Variants in KIAA0319L observed in about 807,000 individuals in gnomAD.
KIAA0319L encodes the protein KIAA0319 like.
Under a neutral mutation model 120.1 loss-of-function variants are expected in KIAA0319L, and 55 were observed. That is an observed-to-expected ratio of 0.46 (90% CI 0.37 to 0.57). KIAA0319L has a LOEUF of 0.57. Ranked by LOEUF, KIAA0319L falls within the 20% of genes least tolerant of loss-of-function variation. The pLI is 0.00. For synonymous variants in KIAA0319L, 398 were observed against 471.9 expected (o/e 0.84, Z 2.03); for missense variants, 1,049 against 1,255.3 (o/e 0.84, Z 2.48).
intron 2 of KIAA0319L, among the ~76,000 whole-genome samples, chr1:35,541,352 T>TC (rs1646785235): frequency 1.4e-5 from 2 of 140,214 alleles, no homozygotes; most frequent in Admixed American, 6.9e-5. Flanking sequence ...TTTTTTCCTT[T>TC]TTTTTTTTTT....
chr1:35,472,728 C>T (rs915904547), intron 5 of KIAA0319L, among the ~76,000 whole-genome samples: 7 of 151,340 alleles, frequency 4.6e-5, no homozygotes, highest in African/African-American at 1.7e-4. Context: ...ATCCATCTCA[C>T]ATATCTAATA....
intron 2 of KIAA0319L, among the ~76,000 whole-genome samples, chr1:35,517,749 C>A (rs1645743739): frequency 6.6e-6 from 1 of 152,108 alleles, no homozygotes; most frequent in Non-Finnish European, 1.5e-5. Context: ...AGAGCTTCTG[C>A]ACAGCAAAAG....
At chr1:35,554,560 T>A in intron 1 of KIAA0319L, 41 bp from the exon 2 acceptor site, 1 of 1,259,228 alleles carries the variant, frequency 7.9e-7, no homozygotes, top group Non-Finnish European at 1.1e-6. Flanking sequence ...GCCGAGTAAT[T>A]AATAATTAAT....
At chr1:35,493,191 G>C (rs1172109363) in intron 3 of KIAA0319L, among the ~76,000 whole-genome samples, 3 of 152,080 alleles carry the variant, frequency 2.0e-5, no homozygotes, top group African/African-American at 7.2e-5. Context: ...AGTTTAGCAA[G>C]ATTACAAGAT....
At chr1:35,443,978 T>G in intron 17 of KIAA0319L, 183 bp downstream of exon 17, 1 of 482,264 alleles carries the variant, frequency 2.1e-6, no homozygotes, top group South Asian at 5.3e-5. Context: ...CAGGGGCCCA[T>G]GGGCCCCAAG....
rs191508847 is a variant in KIAA0319L at position 35,513,698 on chromosome 1, C to T, written c.143-6563G>A. 3.3e-5 allele frequency among the ~76,000 whole-genome samples: 5 copies of T among 152,286 alleles called. No homozygotes were observed. The East Asian group carries it at 9.6e-4, about 29-fold the overall frequency. On this transcript the variant is annotated intron_variant, in intron 2 of 20. Transcript: ENST00000325722. The stretch of plus-strand genomic sequence containing the variant: ...TCTGTAAGATATTAATATTTCACAT[C>T]TAACTTACAAACTTATTTCATCATT...
intron 4 of KIAA0319L, among the ~76,000 whole-genome samples, chr1:35,477,920 G>A (rs1643972556): frequency 6.6e-6 from 1 of 152,114 alleles, no homozygotes; most frequent in Admixed American, 6.6e-5. Flanking sequence ...CAAAAGAAAG[G>A]AAATCAGTGT....
At chr1:35,522,316 A>G (rs968057036) in intron 2 of KIAA0319L, among the ~76,000 whole-genome samples, 1 of 152,072 alleles carries the variant, frequency 6.6e-6, no homozygotes, top group Non-Finnish European at 1.5e-5. Context: ...GTCTCACTCT[A>G]TCACCCAGGC....
intron 2 of KIAA0319L, among the ~76,000 whole-genome samples, chr1:35,550,924 A>C (rs1199561546): frequency 1.3e-5 from 2 of 152,214 alleles, no homozygotes; most frequent in Non-Finnish European, 2.9e-5. Context: ...GGAGATGCAA[A>C]GATTTCACCA....
At chr1:35,482,449 G>C (rs1570765909) in intron 3 of KIAA0319L, among the ~76,000 whole-genome samples, 1 of 139,734 alleles carries the variant, frequency 7.2e-6, no homozygotes, top group Non-Finnish European at 1.5e-5. Flanking sequence ...TTTTTTTTGA[G>C]ATGGAGTTTC....
At chr1:35,451,383 G>T (rs1642050678) in intron 13 of KIAA0319L, among the ~76,000 whole-genome samples, 1 of 152,194 alleles carries the variant, frequency 6.6e-6, no homozygotes, top group African/African-American at 2.4e-5. Context: ...AGGGAGGACT[G>T]AAAAGAAAGT....
At chr1:35,525,872 C>G (rs1646106918) in intron 2 of KIAA0319L, among the ~76,000 whole-genome samples, 2 of 152,054 alleles carry the variant, frequency 1.3e-5, no homozygotes, top group Admixed American at 6.6e-5. Context: ...GGTTTTGCAG[C>G]CTGTGCTTTT....
At chr1:35,500,164 G>A (rs916318352) in intron 3 of KIAA0319L, among the ~76,000 whole-genome samples, 1 of 152,206 alleles carries the variant, frequency 6.6e-6, no homozygotes, top group African/African-American at 2.4e-5. Context: ...TACATGCAGG[G>A]ATACCTAAGT....
intron 9 of KIAA0319L, among the ~76,000 whole-genome samples, chr1:35,458,268 C>T (rs1300223760): frequency 3.3e-5 from 5 of 152,130 alleles, no homozygotes; most frequent in African/African-American, 1.2e-4. Flanking sequence ...CCATTTGTCT[C>T]CTATGTCAGG....
rs1376047195 is a variant in KIAA0319L, at chr1:35,496,415, G to A, written c.666+10197C>T. Among the ~76,000 whole-genome samples, 15 of 152,144 alleles carry A rather than the reference G, an allele frequency of 9.9e-5. 1 individual carries two copies. In the South Asian group the frequency reaches 1.0e-3, roughly 11 times the overall value. On this transcript the variant is annotated intron_variant, in intron 3 of 20. Coordinates refer to ENST00000325722, the MANE Select transcript of KIAA0319L (RefSeq NM_024874.5). The stretch of plus-strand genomic sequence containing the variant: ...AGCCTGGGTGACACAGTGAGACTCC[G>A]TCTCAAAAAAATAAAAAATAAAATA...
intron 2 of KIAA0319L, among the ~76,000 whole-genome samples, chr1:35,526,346 CGTGT>C (rs200725950): frequency 1.2e-4 from 16 of 128,120 alleles, no homozygotes; most frequent in East Asian, 8.5e-4. Context: ...TATATATGTA[CGTGT>C]GTGTGTGTAT....
chr1:35,445,963 C>T (rs192965058), intron 16 of KIAA0319L, among the ~76,000 whole-genome samples: 1 of 152,292 alleles, frequency 6.6e-6, no homozygotes, highest in East Asian at 1.9e-4. Context: ...AGCCAATTCC[C>T]GCCAGCTTGG....
Position 35,493,222 on chromosome 1 carries a change from G to GT in KIAA0319L, c.666+13389dup, listed in dbSNP as rs144014254. On this transcript the variant is annotated intron_variant, in intron 3 of 20. Transcript: ENST00000325722. ...AAGATACAAGACCAATATACAAAAAGTAATTGTATTCCTATATACCAGCAA... is the reference window on the plus strand; with the variant it reads ...AAGATACAAGACCAATATACAAAAAGTTAATTGTATTCCTATATACCAGCAA... Among the ~76,000 whole-genome samples, 60 of 152,176 alleles carry GT rather than the reference G, an allele frequency of 3.9e-4. No individual in the cohort carries two copies. In the East Asian group the frequency reaches 0.011, roughly 29 times the overall value.
intron 3 of KIAA0319L, among the ~76,000 whole-genome samples, chr1:35,486,392 A>C (rs951008795): frequency 9.2e-5 from 14 of 151,494 alleles, no homozygotes; most frequent in African/African-American, 3.4e-4. Context: ...AAAAAAAAAA[A>C]AAAAAAGAAT....
Sources: gnomAD v4.1 joint callset for allele counts (sites outside exome capture counted in the v4.1 genomes callset) on GRCh38, gnomAD v4.1.1 for gene constraint, MANE v1.5 for transcripts, NCBI Gene and HGNC (gene_info 2026-07-23, HGNC 2026-07-21) for gene names.